The following NALF1 variants were observed in gnomAD, a reference collection of about 807,000 sequenced individuals.
The protein encoded by NALF1 is NALCN channel auxiliary factor 1.
Under a neutral mutation model 48.4 loss-of-function variants are expected in NALF1, and 3 were observed. That is an observed-to-expected ratio of 0.06 (90% CI 0.03 to 0.16). NALF1 has a LOEUF of 0.16. Ranked by LOEUF, NALF1 falls within the 10% of genes least tolerant of loss-of-function variation. The pLI is 1.00. For missense variants in NALF1, 526 were observed against 571.5 expected (o/e 0.92, Z 0.81); for synonymous variants, 262 against 245.7 (o/e 1.07, Z -0.62).
chr13:107,821,296 A>G (rs1594292654), intron 1 of NALF1, among the ~76,000 whole-genome samples: 1 of 152,238 alleles, frequency 6.6e-6, no homozygotes, highest in Non-Finnish European at 1.5e-5. Context: ...AATGTTTACA[A>G]TTATGCACGT....
chr13:107,551,098 C>G (rs1877279112), intron 1 of NALF1, among the ~76,000 whole-genome samples: 1 of 152,066 alleles, frequency 6.6e-6, no homozygotes, highest in Non-Finnish European at 1.5e-5. Flanking sequence ...CAGAACCTTG[C>G]TGTATTCTTC....
At chr13:107,584,559 T>C (rs2138412953) in intron 1 of NALF1, among the ~76,000 whole-genome samples, 1 of 152,324 alleles carries the variant, frequency 6.6e-6, no homozygotes, top group African/African-American at 2.4e-5. Context: ...TGATTGCTTC[T>C]TATGGGAATG....
chr13:107,235,378 C>T (rs181233924), intron 1 of NALF1, among the ~76,000 whole-genome samples: 6 of 152,046 alleles, frequency 3.9e-5, no homozygotes, highest in Non-Finnish European at 8.8e-5. Context: ...CCATTGCATC[C>T]AAATGCAATG....
rs117751003 is a variant in NALF1 at position 107,253,646 on chromosome 13, C to T, written c.916-42891G>A. Among the ~76,000 whole-genome samples, 1,245 of 152,304 alleles carry T rather than the reference C, an allele frequency of 8.2e-3. 9 individuals carry two copies. Among genetic ancestry groups the T allele is most frequent in the African/African-American group, 0.017 (716 of 41,546 alleles). ...CAGCACCAACTCCTCAGCACAACTC[C>T]TGCCTATTTATCTAACTTAACCTCC... On this transcript the variant is annotated intron_variant, in intron 1 of 2. Coordinates refer to ENST00000375915, the MANE Select transcript of NALF1 (RefSeq NM_001080396.3).
intron 1 of NALF1, among the ~76,000 whole-genome samples, chr13:107,707,794 C>T (rs1383093703): frequency 6.6e-6 from 1 of 152,178 alleles, no homozygotes; most frequent in African/African-American, 2.4e-5. Flanking sequence ...AAATGCATTT[C>T]ACTTTTCTGC....
chr13:107,493,575 C>T (rs576359182), intron 1 of NALF1, among the ~76,000 whole-genome samples: 30 of 152,024 alleles, frequency 2.0e-4, no homozygotes, highest in Admixed American at 1.6e-3. Flanking sequence ...GAACAAATTG[C>T]CAGTAAAAAT....
At chr13:107,603,185 T>C (rs753651163) in intron 1 of NALF1, among the ~76,000 whole-genome samples, 1 of 152,238 alleles carries the variant, frequency 6.6e-6, no homozygotes, top group Non-Finnish European at 1.5e-5. Flanking sequence ...TTTTACAATT[T>C]AGACACTGCT....
chr13:107,397,571 C>T (rs1410960832), intron 1 of NALF1, among the ~76,000 whole-genome samples: 1 of 152,138 alleles, frequency 6.6e-6, no homozygotes, highest in Non-Finnish European at 1.5e-5. Flanking sequence ...TACTGTGCTC[C>T]ACAGTCTGCC....
chr13:107,460,920 A>G (rs574127681), intron 1 of NALF1, among the ~76,000 whole-genome samples: 149 of 152,302 alleles, frequency 9.8e-4, no homozygotes, highest in African/African-American at 3.4e-3. Flanking sequence ...AGACATTAAG[A>G]TTGTCTTTAA....
chr13:107,669,419 A>G (rs1404007905), intron 1 of NALF1, among the ~76,000 whole-genome samples: 1 of 152,168 alleles, frequency 6.6e-6, no homozygotes, highest in Non-Finnish European at 1.5e-5. Context: ...TTTCATCCAA[A>G]TAAAAAAACG....
intron 1 of NALF1, among the ~76,000 whole-genome samples, chr13:107,321,414 C>G (rs1882252479): frequency 6.6e-6 from 1 of 152,110 alleles, no homozygotes; most frequent in Non-Finnish European, 1.5e-5. Context: ...GAAGAACATC[C>G]TGATCTCCAC....
intron 1 of NALF1, among the ~76,000 whole-genome samples, chr13:107,411,865 G>C (rs1378533110): frequency 6.6e-6 from 1 of 152,136 alleles, no homozygotes. Context: ...AGAGAGGACA[G>C]CTTGGATGGA....
chr13:107,694,858 T>A (rs1881663950), intron 1 of NALF1, among the ~76,000 whole-genome samples: 1 of 151,738 alleles, frequency 6.6e-6, no homozygotes, highest in South Asian at 2.1e-4. Context: ...TGTAGCACAA[T>A]CTAGGTTCAC....
intron 1 of NALF1, among the ~76,000 whole-genome samples, chr13:107,811,908 G>A (rs1240543282): frequency 1.3e-5 from 2 of 152,022 alleles, no homozygotes; most frequent in Non-Finnish European, 2.9e-5. Context: ...TTAACTTTAG[G>A]GGACACATTC....
intron 1 of NALF1, among the ~76,000 whole-genome samples, chr13:107,435,378 C>T (rs1221560315): frequency 6.6e-6 from 1 of 152,060 alleles, no homozygotes; most frequent in Non-Finnish European, 1.5e-5. Context: ...TCAGCGTCAG[C>T]AGACCCACTT....
intron 1 of NALF1, among the ~76,000 whole-genome samples, chr13:107,828,785 C>T (rs1168857252): frequency 2.6e-5 from 4 of 151,982 alleles, no homozygotes; most frequent in Non-Finnish European, 2.9e-5. Flanking sequence ...TTCTCAAAAC[C>T]TACAAAAAAC....
At chr13:107,854,240 T>C (rs192134694) in intron 1 of NALF1, among the ~76,000 whole-genome samples, 6 of 152,340 alleles carry the variant, frequency 3.9e-5, no homozygotes, top group African/African-American at 9.6e-5. Context: ...CCGGGACCCA[T>C]AGAATATATC....
At chr13:107,376,806 A>G (rs1002101030) in intron 1 of NALF1, among the ~76,000 whole-genome samples, 19 of 152,208 alleles carry the variant, frequency 1.2e-4, no homozygotes, top group Non-Finnish European at 2.4e-4. Flanking sequence ...ACTTTATCTT[A>G]TATGTTTTAG....
intron 1 of NALF1, among the ~76,000 whole-genome samples, chr13:107,851,367 C>A (rs1472473453): frequency 1.3e-5 from 2 of 151,150 alleles, no homozygotes; most frequent in Admixed American, 6.6e-5. Context: ...TTTAAGTGGC[C>A]AGATTAAGGA....
Sources: allele counts gnomAD v4.1 joint callset (sites outside exome capture counted in the v4.1 genomes callset), GRCh38; gene constraint gnomAD v4.1.1; transcripts MANE v1.5; gene names NCBI Gene and HGNC (gene_info 2026-07-23, HGNC 2026-07-21).